Variants in CRYBG1 observed in about 807,000 individuals in gnomAD.
CRYBG1 encodes the protein beta/gamma crystallin domain-containing protein 1.
CRYBG1 carries 139 observed loss-of-function variants against 189.2 expected under a neutral mutation model. That is an observed-to-expected ratio of 0.73 (90% CI 0.64 to 0.85). The LOEUF (loss-of-function observed/expected upper bound fraction) is 0.85, where lower values mean the gene tolerates loss of function less well. Among genes scored for constraint, CRYBG1 ranks in the 40% least tolerant of loss-of-function variants. CRYBG1 has a pLI of 0.00. For missense variants in CRYBG1, 2,611 were observed against 2,675.8 expected (o/e 0.98, Z 0.53); for synonymous variants, 1,023 against 1,017.1 (o/e 1.01, Z -0.11).
rs781300445 is a variant in CRYBG1, at chr6:106,563,852, G to T, written c.6227G>T (p.Ser2076Ile). The T allele has an allele frequency of 6.2e-7, 1 of 1,613,850 alleles. No homozygotes were observed. The highest frequency in any genetic ancestry group is 1.7e-5 in the Admixed American group (1 of 60,028). The change falls in exon 21 of 22, where the codon AGC becomes ATC. Residue 2076 changes from serine to isoleucine, a missense_variant. Transcript: ENST00000633556. ...LGLALDQNADSQFWSLKSDGR... is the reference protein window; with the variant it reads ...LGLALDQNADIQFWSLKSDGR... ...CTGGCCCTGGACCAGAATGCTGACA[G>T]CCAGTTCTGGAGCTTGAAGTCCGAT...
At chr6:106,491,224 T>C (rs1772715607) in intron 2 of CRYBG1, among the ~76,000 whole-genome samples, 2 of 152,200 alleles carry the variant, frequency 1.3e-5, no homozygotes, top group African/African-American at 4.8e-5. Flanking sequence ...GAGCCACCTG[T>C]GTGGAGGCTG....
intron 2 of CRYBG1, among the ~76,000 whole-genome samples, chr6:106,479,824 G>A (rs1332194987): frequency 2.0e-5 from 3 of 152,170 alleles, no homozygotes; most frequent in Non-Finnish European, 4.4e-5. Context: ...ACCCCTATCA[G>A]ATATATGATT....
Position 106,499,132 on chromosome 6 carries a change from TTTTG to T in CRYBG1, c.313-12274_313-12271del, listed in dbSNP as rs377061494. Among the ~76,000 whole-genome samples, 401 of 51,792 alleles carry T rather than the reference TTTTG, an allele frequency of 7.7e-3. 12 individuals are homozygous for T. Among genetic ancestry groups the T allele is most frequent in the East Asian group, 0.054 (155 of 2,872 alleles). 34.0% of individuals were successfully genotyped at this position (51,792 alleles called of 152,430 possible). Reference sequence around the variant, plus strand: ...TTTTTTTGTTTGTGTGTTTTTTGTTTTTTGTTTGTTTGTTTGTTTGTTTGTTTTT... The same window carrying T: ...TTTTTTTGTTTGTGTGTTTTTTGTTTTTTGTTTGTTTGTTTGTTTGTTTTT... On this transcript the variant is annotated intron_variant, in intron 2 of 21. Transcript: ENST00000633556.
At position 106,442,327 on chromosome 6, in the gene CRYBG1, C is replaced by T. The variant is rs543741225; in HGVS notation, c.174-9367C>T. Among the ~76,000 whole-genome samples the T allele has an allele frequency of 3.3e-5, 5 of 152,216 alleles. No individual in the cohort carries two copies. In the South Asian group the frequency reaches 8.3e-4, roughly 25 times the overall value. Reference sequence around the variant, plus strand: ...GCCTGGAAGGATTAACTAAGGCAGACGAGTTTCGTGCCAGGTTGTTTAGGG... The same window carrying T: ...GCCTGGAAGGATTAACTAAGGCAGATGAGTTTCGTGCCAGGTTGTTTAGGG... On this transcript the variant is annotated intron_variant, in intron 1 of 21. Coordinates refer to ENST00000633556, the MANE Select transcript of CRYBG1 (RefSeq NM_001371242.2).
At chr6:106,392,757 A>G (rs1770532126) in intron 1 of CRYBG1, among the ~76,000 whole-genome samples, 2 of 142,152 alleles carry the variant, frequency 1.4e-5, no homozygotes, top group Admixed American at 1.4e-4. Context: ...ATTTTTGGTT[A>G]TTTAAAAGAG....
At chr6:106,416,257 G>A (rs549755932) in intron 1 of CRYBG1, among the ~76,000 whole-genome samples, 32 of 152,190 alleles carry the variant, frequency 2.1e-4, no homozygotes, top group Admixed American at 3.9e-4. Flanking sequence ...AGTCCATAGC[G>A]TGATGAACAT....
intron 8 of CRYBG1, among the ~76,000 whole-genome samples, chr6:106,537,821 C>A (rs1472342468): frequency 1.3e-5 from 2 of 152,162 alleles, no homozygotes; most frequent in Non-Finnish European, 2.9e-5. Context: ...CACACCTGGC[C>A]TCCCAACATT....
chr6:106,525,420 T>G, intron 6 of CRYBG1, 34 bp downstream of exon 6: 1 of 1,543,612 alleles, frequency 6.5e-7, no homozygotes, highest in Admixed American at 1.7e-5. Flanking sequence ...TGATGTCAAG[T>G]GTTTGAGTTT....
In CRYBG1 at chr6:106,570,590, A is replaced by C. The variant is rs1382444457; in HGVS notation, c.*2024A>C. 1 of 152,164 alleles carries C rather than the reference A, an allele frequency of 6.6e-6. No homozygotes were observed. The highest frequency in any genetic ancestry group is 1.5e-5 in the Non-Finnish European group (1 of 68,028). The allele number at this position is 152,164 out of a possible 1,614,324, so 9.4% of individuals were successfully genotyped here. On this transcript the variant is annotated 3_prime_UTR_variant, in exon 22 of 22. Transcript: ENST00000633556. Reference sequence around the variant, plus strand: ...GTATAATAGCAAGAAAGATTTGCTGACCACTCTCTTTCCAAACTCCATAGT... The same window carrying C: ...GTATAATAGCAAGAAAGATTTGCTGCCCACTCTCTTTCCAAACTCCATAGT...
chr6:106,570,226 C>T lies in CRYBG1; in HGVS notation c.*1660C>T, dbSNP rs1416305525. 1 of 152,224 alleles carries T rather than the reference C, an allele frequency of 6.6e-6. No individual in the cohort carries two copies. The highest frequency in any genetic ancestry group is 2.4e-5 in the African/African-American group (1 of 41,440). The allele number at this position is 152,224 out of a possible 1,614,324, so 9.4% of individuals were successfully genotyped here. On this transcript the variant is annotated 3_prime_UTR_variant, in exon 22 of 22. Coordinates refer to ENST00000633556, the MANE Select transcript of CRYBG1 (RefSeq NM_001371242.2). ...TTTCTAATTCTAAAATGCTGATCTTCTCTGGAGTCTATGGTAGGCAATTAT... is the reference window on the plus strand; with the variant it reads ...TTTCTAATTCTAAAATGCTGATCTTTTCTGGAGTCTATGGTAGGCAATTAT...
intron 2 of CRYBG1, among the ~76,000 whole-genome samples, chr6:106,506,909 G>GA (rs1180977351): frequency 6.6e-6 from 1 of 151,794 alleles, no homozygotes; most frequent in Non-Finnish European, 1.5e-5. Flanking sequence ...TTTAAGCAAG[G>GA]AAAAAAAGAA....
At chr6:106,382,530 G>T (rs1770306651) in intron 1 of CRYBG1, among the ~76,000 whole-genome samples, 1 of 152,054 alleles carries the variant, frequency 6.6e-6, no homozygotes, top group Non-Finnish European at 1.5e-5. Context: ...GGTAAAGTTG[G>T]CTTCTAAAAA....
intron 2 of CRYBG1, among the ~76,000 whole-genome samples, chr6:106,507,196 T>C (rs77521342): frequency 0.019 from 2,829 of 152,288 alleles, 55 homozygotes; most frequent in South Asian, 0.081. Flanking sequence ...CCACATTTCA[T>C]ATTAGCCAAC....
chr6:106,534,221 G>A (rs1019781892), intron 8 of CRYBG1, among the ~76,000 whole-genome samples: 7 of 152,210 alleles, frequency 4.6e-5, no homozygotes, highest in Middle Eastern at 3.2e-3. Flanking sequence ...TACCTTAAAT[G>A]ATATTTCTTA....
chr6:106,389,966 G>A (rs910342535), intron 1 of CRYBG1, among the ~76,000 whole-genome samples: 1 of 151,938 alleles, frequency 6.6e-6, no homozygotes, highest in Non-Finnish European at 1.5e-5. Context: ...TTTTGGCAAA[G>A]GATACTTTTT....
rs754500296 is a variant in CRYBG1, at chr6:106,512,327, G to A, written c.1210G>A (p.Gly404Ser). ...VVITPRAEDCGDWDDMEKRSS... is the reference protein window; with the variant it reads ...VVITPRAEDCSDWDDMEKRSS... ...GATTACTCCCAGAGCGGAAGATTGC[G>A]GTGACTGGGACGACATGGAGAAGAG... The change falls in exon 3 of 22, where the codon GGT (glycine) becomes AGT (serine). Residue 404 changes from glycine (G) to serine (S), a missense_variant. Physicochemically the swap from Gly to Ser is moderately conservative, Grantham distance 56. Around this residue, in one of 3 missense-constraint regions of CRYBG1, gnomAD observed 985 missense variants for 924.4 expected, o/e 1.07. Transcript: ENST00000633556. 4.4e-6 allele frequency: 7 copies of A among 1,608,444 alleles called. No homozygotes were observed. The highest frequency in any genetic ancestry group is 5.9e-6 in the Non-Finnish European group (7 of 1,178,550).
intron 1 of CRYBG1, among the ~76,000 whole-genome samples, chr6:106,390,918 A>C (rs2114336027): frequency 6.6e-6 from 1 of 152,256 alleles, no homozygotes; most frequent in South Asian, 2.1e-4. Context: ...GTATGTACTC[A>C]TTTCTGTTGG....
intron 2 of CRYBG1, among the ~76,000 whole-genome samples, chr6:106,461,260 C>T (rs563034630): frequency 6.6e-6 from 1 of 152,300 alleles, no homozygotes; most frequent in Admixed American, 6.5e-5. Context: ...GTGGTAATCA[C>T]CCTGACCAGC....
chr6:106,521,583 CAT>C, intron 4 of CRYBG1, 130 bp downstream of exon 4: 1 of 1,113,882 alleles, frequency 9.0e-7, no homozygotes, highest in Non-Finnish European at 1.2e-6. Flanking sequence ...TCATTCATCA[CAT>C]ATTTGAAAAC....
Sources: allele counts gnomAD v4.1 joint callset (sites outside exome capture counted in the v4.1 genomes callset), GRCh38; gene constraint gnomAD v4.1.1; regional missense constraint gnomAD v4.1.1; transcripts MANE v1.5; gene names NCBI Gene and HGNC (gene_info 2026-07-23, HGNC 2026-07-21).